Variants in EYS observed in about 807,000 individuals in gnomAD.
EYS encodes the protein protein eyes shut homolog.
A neutral mutation model predicts 282.1 loss-of-function variants in EYS; 250 were observed. The observed-to-expected ratio is 0.89, with a 90% CI of 0.80 to 0.98. The LOEUF is 0.98. Among genes scored for constraint, EYS ranks in the 50% least tolerant of loss-of-function variants. The pLI is 0.00. For synonymous variants in EYS, 1,355 were observed against 1,282.9 expected (o/e 1.06, Z -1.20); for missense variants, 4,016 against 3,709.0 (o/e 1.08, Z -2.15).
At chr6:64,802,711 A>G (rs1023472372) in intron 22 of EYS, among the ~76,000 whole-genome samples, 2 of 152,194 alleles carry the variant, frequency 1.3e-5, no homozygotes, top group African/African-American at 4.8e-5. Context: ...ATAACAAACT[A>G]TCTCAAGATG....
rs564539104 is a variant in EYS at position 65,513,771 on chromosome 6, G to C, written c.-332-17778C>G. Among the ~76,000 whole-genome samples, 676 of 150,968 alleles carry C rather than the reference G, an allele frequency of 4.5e-3. 4 individuals are homozygous for C. Among genetic ancestry groups the C allele is most frequent in the African/African-American group, 0.016 (642 of 41,024 alleles). On this transcript the variant is annotated intron_variant, in intron 2 of 42. Transcript: ENST00000503581. ...CATGCTAAAAACTCTCAATAAATTA[G>C]GTATTGATGGGATGTATCTCAAAAT...
chr6:64,739,108 C>T (rs1263395593), intron 22 of EYS, among the ~76,000 whole-genome samples: 1 of 152,144 alleles, frequency 6.6e-6, no homozygotes, highest in East Asian at 1.9e-4. Flanking sequence ...TTTCACTCTA[C>T]TGAGCTGGAC....
intron 19 of EYS, among the ~76,000 whole-genome samples, chr6:64,843,187 C>T (rs377383841): frequency 2.8e-4 from 42 of 152,254 alleles, no homozygotes; most frequent in Non-Finnish European, 4.7e-4. Context: ...GCAGTGACAG[C>T]GCCCTCAGAG....
intron 24 of EYS, among the ~76,000 whole-genome samples, chr6:64,594,190 AG>A (rs2149833953): frequency 6.6e-6 from 1 of 152,282 alleles, no homozygotes; most frequent in African/African-American, 2.4e-5. Flanking sequence ...CACACCAAAA[AG>A]TTGTATAAAT....
chr6:64,400,010 C>A (rs1773493815), intron 28 of EYS, among the ~76,000 whole-genome samples: 1 of 151,894 alleles, frequency 6.6e-6, no homozygotes, highest in Non-Finnish European at 1.5e-5. Flanking sequence ...TGACTATCAA[C>A]TCTAAGCTAG....
chr6:64,470,146 C>A (rs1002760153), intron 26 of EYS, among the ~76,000 whole-genome samples: 1 of 152,114 alleles, frequency 6.6e-6, no homozygotes, highest in African/African-American at 2.4e-5. Context: ...CCGGTCTCTG[C>A]GTCTTGGTGG....
At chr6:64,115,810 C>T (rs1314852937) in intron 31 of EYS, among the ~76,000 whole-genome samples, 1 of 152,090 alleles carries the variant, frequency 6.6e-6, no homozygotes, top group Non-Finnish European at 1.5e-5. Context: ...AAATAGAACA[C>T]ACACACCGTA....
At chr6:65,577,449 T>C (rs964226591) in intron 2 of EYS, among the ~76,000 whole-genome samples, 1 of 151,736 alleles carries the variant, frequency 6.6e-6, no homozygotes, top group East Asian at 1.9e-4. Flanking sequence ...GCCTTTAACA[T>C]AAGACATGAA....
intron 26 of EYS, among the ~76,000 whole-genome samples, chr6:64,495,827 A>G (rs2150508648): frequency 6.6e-6 from 1 of 151,864 alleles, no homozygotes; most frequent in South Asian, 2.1e-4. Context: ...TGTCATTTCA[A>G]TGAACTTAAT....
chr6:63,887,314 G>GTTTT lies in EYS; in HGVS notation c.7056-22960_7056-22957dup, dbSNP rs35622877. The stretch of plus-strand genomic sequence containing the variant: ...AAAAGAGGAAAGAGGAATAAAAGGT[G>GTTTT]TTTTTTTTTTTTTTTTTTGTCTTTG... On this transcript the variant is annotated intron_variant, in intron 35 of 42. Coordinates refer to ENST00000503581, the MANE Select transcript of EYS (RefSeq NM_001142800.2). Among the ~76,000 whole-genome samples the GTTTT allele has an allele frequency of 6.5e-3, 786 of 120,126 alleles. 17 individuals carry two copies. The highest frequency in any genetic ancestry group is 8.9e-3 in the Non-Finnish European group (533 of 59,782). The allele number at this position is 120,126 out of a possible 152,430, so 78.8% of individuals were successfully genotyped here.
At chr6:63,972,535 A>T (rs1385894833) in intron 35 of EYS, among the ~76,000 whole-genome samples, 1 of 152,162 alleles carries the variant, frequency 6.6e-6, no homozygotes, top group Non-Finnish European at 1.5e-5. Flanking sequence ...AGTTTAGAGA[A>T]CTAATCTTTT....
chr6:63,780,906 A>G (rs865891607), intron 39 of EYS, among the ~76,000 whole-genome samples: 1 of 152,186 alleles, frequency 6.6e-6, no homozygotes, highest in South Asian at 2.1e-4. Context: ...TCTTCAATCC[A>G]TCTTGAATTA....
At chr6:64,703,342 G>A (rs1347627093) in intron 22 of EYS, among the ~76,000 whole-genome samples, 2 of 139,374 alleles carry the variant, frequency 1.4e-5, no homozygotes, top group African/African-American at 2.6e-5. Flanking sequence ...TATACTGGAG[G>A]TTTCTTAAAT....
chr6:64,822,668 A>C lies in EYS; in HGVS notation c.3147T>G (p.Asn1049Lys). Residue 1049 changes from asparagine to lysine, a missense_variant, in exon 20 of 43, where the codon AAT becomes AAG. Asn to Lys is a moderately conservative substitution (Grantham distance 94). Transcript: ENST00000503581. Reference protein sequence around the residue: ...CETNANDCLSNPCLHGRCTEL... With the variant: ...CETNANDCLSKPCLHGRCTEL... ...ATAGCTACCTTCCATGTAGACAAGG[A>C]TTTGAAAGGCAATCATTGGCGTTTG... 6.5e-7 allele frequency: 1 copy of C among 1,542,734 alleles called. No individual in the cohort carries two copies. Among genetic ancestry groups the C allele is most frequent in the Non-Finnish European group, 8.7e-7 (1 of 1,144,004 alleles).
At chr6:63,865,077 C>T (rs1351100071) in intron 35 of EYS, among the ~76,000 whole-genome samples, 4 of 152,296 alleles carry the variant, frequency 2.6e-5, no homozygotes, top group Non-Finnish European at 4.4e-5. Flanking sequence ...CATTCTCAGC[C>T]CATGTTGTCT....
At chr6:65,669,073 G>T (rs1454955643) in intron 1 of EYS, among the ~76,000 whole-genome samples, 1 of 151,866 alleles carries the variant, frequency 6.6e-6, no homozygotes, top group Admixed American at 6.6e-5. Flanking sequence ...ATATGGTTAT[G>T]ATGTTATCTA....
At position 65,057,620 on chromosome 6, in the gene EYS, A is replaced by G; in HGVS notation, c.2131T>C (p.Phe711Leu). 2 of 1,544,176 alleles carry G rather than the reference A, an allele frequency of 1.3e-6. No homozygotes were observed. Among genetic ancestry groups the G allele is most frequent in the Non-Finnish European group, 1.8e-6 (2 of 1,140,298 alleles). The change falls in exon 13 of 43, where the codon TTT (phenylalanine) becomes CTT (leucine). Residue 711 changes from phenylalanine to leucine, a missense_variant. Phe to Leu is a conservative substitution (Grantham distance 22). Coordinates refer to ENST00000503581, the MANE Select transcript of EYS (RefSeq NM_001142800.2). ...ATCCCTTGGTGTTCATTACCTTTAA[A>G]TGGAGGCACACACTGGCAGAAGTAA... ...GNYFCQCVPP[F>L]KVVDGFSCLC... is the part of the protein sequence containing the mutation.
intron 7 of EYS, among the ~76,000 whole-genome samples, chr6:65,386,292 G>A (rs2150353159): frequency 6.6e-6 from 1 of 151,838 alleles, no homozygotes; most frequent in South Asian, 2.1e-4. Flanking sequence ...CAAAGGCGGA[G>A]GACTAATGTG....
intron 26 of EYS, among the ~76,000 whole-genome samples, chr6:64,481,467 T>C (rs760670325): frequency 6.6e-6 from 1 of 150,886 alleles, no homozygotes; most frequent in African/African-American, 2.4e-5. Context: ...AGAAAGGTGA[T>C]CATTTTGAAT....
Sources: gnomAD v4.1 joint callset for allele counts (sites outside exome capture counted in the v4.1 genomes callset) on GRCh38, gnomAD v4.1.1 for gene constraint, MANE v1.5 for transcripts, NCBI Gene and HGNC (gene_info 2026-07-23, HGNC 2026-07-21) for gene names.